The following ADAMTS14 variants were observed in gnomAD, a reference collection of about 807,000 sequenced individuals.
ADAMTS14 encodes A disintegrin and metalloproteinase with thrombospondin motifs 14.
A neutral mutation model predicts 128.6 loss-of-function variants in ADAMTS14; 100 were observed. The observed-to-expected ratio is 0.78, with a 90% CI of 0.66 to 0.92. ADAMTS14 has a LOEUF of 0.92. Among genes scored for constraint, ADAMTS14 ranks in the 40% least tolerant of loss-of-function variants. The probability of loss-of-function intolerance (pLI) is 0.00; values close to 1 mark genes in which losing one functional copy is unlikely to be tolerated. For missense variants in ADAMTS14, 1,562 were observed against 1,658.6 expected (o/e 0.94, Z 1.01); for synonymous variants, 665 against 653.8 (o/e 1.02, Z -0.26).
At chr10:70,695,464 T>G (rs1840306200) in intron 2 of ADAMTS14, among the ~76,000 whole-genome samples, 2 of 152,116 alleles carry the variant, frequency 1.3e-5, no homozygotes, top group South Asian at 2.1e-4. Flanking sequence ...TTACCTGCCG[T>G]GAATCAGAGA....
Position 70,751,482 on chromosome 10 carries a change from TCCC to T in ADAMTS14, c.2436_2438del (p.Pro813del). On this transcript the variant is annotated inframe_deletion, in exon 17 of 22. Transcript: ENST00000373207. ...CAGCTCCCCATCTCCCCTCAGGCTC[TCCC>T]CCCAACTGAGGGTGGCCCCCGCAGC... The T allele has an allele frequency of 6.3e-7, 1 of 1,599,662 alleles. No individual in the cohort carries two copies. The highest frequency in any genetic ancestry group is 8.6e-7 in the Non-Finnish European group (1 of 1,168,236).
chr10:70,732,919 G>A (rs1315862569), intron 7 of ADAMTS14, among the ~76,000 whole-genome samples: 1 of 152,162 alleles, frequency 6.6e-6, no homozygotes, highest in East Asian at 1.9e-4. Flanking sequence ...TATTTCTTGA[G>A]CACCTACCAT....
intron 2 of ADAMTS14, among the ~76,000 whole-genome samples, chr10:70,676,365 T>C (rs1230060697): frequency 6.6e-6 from 1 of 152,226 alleles, no homozygotes; most frequent in African/African-American, 2.4e-5. Flanking sequence ...TGAATATCCA[T>C]CTGTGTTTTA....
At chr10:70,728,599 A>C (rs1479760373) in intron 4 of ADAMTS14, among the ~76,000 whole-genome samples, 1 of 152,234 alleles carries the variant, frequency 6.6e-6, no homozygotes, top group Non-Finnish European at 1.5e-5. Context: ...AAAGGGCTGC[A>C]TTCTTTGATG....
intron 2 of ADAMTS14, among the ~76,000 whole-genome samples, chr10:70,692,027 G>A (rs1362820247): frequency 6.6e-6 from 1 of 151,894 alleles, no homozygotes; most frequent in Non-Finnish European, 1.5e-5. Flanking sequence ...TTGGATGAGT[G>A]GTTCTGAGCC....
intron 2 of ADAMTS14, among the ~76,000 whole-genome samples, chr10:70,694,620 A>T (rs918603170): frequency 1.3e-5 from 2 of 152,204 alleles, no homozygotes; most frequent in Non-Finnish European, 2.9e-5. Flanking sequence ...ACTTCATACA[A>T]ACAGAATCAT....
chr10:70,682,393 C>T (rs1016246504), intron 2 of ADAMTS14, among the ~76,000 whole-genome samples: 5 of 152,176 alleles, frequency 3.3e-5, no homozygotes, highest in African/African-American at 4.8e-5. Flanking sequence ...AGGCTGTTAG[C>T]TGGAGGCCTT....
Position 70,758,212 on chromosome 10 carries a change from G to A in ADAMTS14, c.3105G>A (p.Trp1035Ter), listed in dbSNP as rs1384469167. 2 of 1,614,238 alleles carry A rather than the reference G, an allele frequency of 1.2e-6. No individual in the cohort carries two copies. Among genetic ancestry groups the A allele is most frequent in the South Asian group, 1.1e-5 (1 of 91,084 alleles). The change falls in exon 21 of 22, where the codon TGG (tryptophan) becomes TGA (stop). Residue 1035 changes from tryptophan to a stop codon, truncating the protein, a stop_gained. Coordinates refer to ENST00000373207, the MANE Select transcript of ADAMTS14 (RefSeq NM_080722.4). LOFTEE classifies it high-confidence loss of function. ...HQNSTVRADV[W>*]ELGTPEGQWV... is the part of the protein sequence containing the mutation. ...ACTCCACGGTGAGGGCCGATGTCTG[G>A]GAACTTGGGACGCCAGAGGGGCAGT...
chr10:70,751,424 A>G, intron 16 of ADAMTS14, 54 bp from the exon 17 acceptor site: 2 of 1,560,904 alleles, frequency 1.3e-6, no homozygotes, highest in Non-Finnish European at 1.8e-6. Flanking sequence ...CTCCCAGTGC[A>G]TGCCGCCCTT....
chr10:70,708,819 G>A, intron 4 of ADAMTS14, 41 bp downstream of exon 4: 1 of 1,336,814 alleles, frequency 7.5e-7, no homozygotes, highest in Non-Finnish European at 1.0e-6. Flanking sequence ...GGAGTGGGGT[G>A]GGGTGGGCCC....
At chr10:70,712,745 G>A (rs530105131) in intron 4 of ADAMTS14, among the ~76,000 whole-genome samples, 10 of 152,174 alleles carry the variant, frequency 6.6e-5, no homozygotes, top group Admixed American at 2.6e-4. Context: ...GGAAAGACAC[G>A]CGGTGGCAGT....
At chr10:70,718,749 A>G (rs1841149702) in intron 4 of ADAMTS14, among the ~76,000 whole-genome samples, 1 of 151,234 alleles carries the variant, frequency 6.6e-6, no homozygotes, top group Non-Finnish European at 1.5e-5. Context: ...TGGTGCAATC[A>G]TGGCTCACTG....
intron 2 of ADAMTS14, among the ~76,000 whole-genome samples, chr10:70,699,331 T>C (rs1183698862): frequency 6.6e-6 from 1 of 152,138 alleles, no homozygotes; most frequent in Non-Finnish European, 1.5e-5. Flanking sequence ...TAAGATAATA[T>C]ATAAAAATAT....
rs541878177 is a variant in ADAMTS14 at position 70,702,476 on chromosome 10, G to A, written c.679+8G>A. 179 of 1,595,712 alleles carry A rather than the reference G, an allele frequency of 1.1e-4. No homozygotes were observed. In the East Asian group the frequency reaches 4.0e-3, roughly 35 times the overall value. ...GGGACCTGCACAATGAAGGTAGGCT[G>A]TAGGTAGGGGCCTGTGTGCTGCTTC... On this transcript the variant is annotated splice_region_variant and intron_variant, in intron 3 of 21. Transcript: ENST00000373207.
chr10:70,693,476 T>C (rs2132571604), intron 2 of ADAMTS14, among the ~76,000 whole-genome samples: 1 of 152,284 alleles, frequency 6.6e-6, no homozygotes, highest in South Asian at 2.1e-4. Flanking sequence ...CAAACACTAA[T>C]ATGGCCCTTG....
intron 2 of ADAMTS14, among the ~76,000 whole-genome samples, chr10:70,682,730 C>T (rs1035213323): frequency 6.6e-6 from 1 of 152,156 alleles, no homozygotes; most frequent in South Asian, 2.1e-4. Flanking sequence ...ATTTTTCTGG[C>T]TGCCACTCCC....
At position 70,757,983 on chromosome 10, in the gene ADAMTS14, G is replaced by C; in HGVS notation, c.2959G>C (p.Gly987Arg). 1 of 1,612,532 alleles carries C rather than the reference G, an allele frequency of 6.2e-7. No individual in the cohort carries two copies. The highest frequency in any genetic ancestry group is 8.5e-7 in the Non-Finnish European group (1 of 1,179,540). The change falls in exon 20 of 22, where the codon GGC (glycine) becomes CGC (arginine). Residue 987 changes from glycine to arginine, a missense_variant. Gly to Arg is a moderately radical substitution (Grantham distance 125). Coordinates refer to ENST00000373207, the MANE Select transcript of ADAMTS14 (RefSeq NM_080722.4). ...GCAGTGCTCTGCCACCTGTGGAGAG[G>C]GCATCCAGCAGCGGCAGGTGGTGTG... is the stretch of plus-strand genomic sequence containing the variant. ...WSQCSATCGEGIQQRQVVCRT... is the reference protein window; with the variant it reads ...WSQCSATCGERIQQRQVVCRT...
chr10:70,704,844 A>T (rs1840610708), intron 3 of ADAMTS14, among the ~76,000 whole-genome samples: 1 of 151,912 alleles, frequency 6.6e-6, no homozygotes, highest in Admixed American at 6.6e-5. Context: ...TGACGCAAAC[A>T]CACGCTTACA....
chr10:70,759,129 T>TTTTTTTTTTTTTTTTTTTTTTTTG (rs1485675752), intron 21 of ADAMTS14, among the ~76,000 whole-genome samples: 17 of 112,604 alleles, frequency 1.5e-4, no homozygotes, highest in South Asian at 8.8e-4. Flanking sequence ...TCCAATCTTC[T>TTTTTTTTTTTTTTTTTTTTTTTTG]ACTTCTCTGC....
Sources: gnomAD v4.1 joint callset for allele counts (sites outside exome capture counted in the v4.1 genomes callset) on GRCh38, gnomAD v4.1.1 for gene constraint, MANE v1.5 for transcripts, NCBI Gene and HGNC (gene_info 2026-07-23, HGNC 2026-07-21) for gene names.